The following HPCAL1 variants were observed in gnomAD, a reference collection of about 807,000 sequenced individuals.
HPCAL1 encodes the protein hippocalcin like 1.
Under a neutral mutation model 17.1 loss-of-function variants are expected in HPCAL1, and 8 were observed. That is an observed-to-expected ratio of 0.47 (90% CI 0.27 to 0.84). HPCAL1 has a LOEUF of 0.84. Among genes scored for constraint, HPCAL1 ranks in the 40% least tolerant of loss-of-function variants. The pLI is 0.13. For synonymous variants in HPCAL1, 112 were observed against 111.4 expected, an observed-to-expected ratio of 1.01 and a Z score of -0.03; for missense variants, 165 against 271.1, an observed-to-expected ratio of 0.61 and a Z score of 2.75.
In HPCAL1 at chr2:10,426,725, C is replaced by G. The variant is rs748369783; in HGVS notation, c.486C>G (p.Gly162=). The G allele has an allele frequency of 1.2e-6, 2 of 1,612,828 alleles. No individual in the cohort carries two copies. Among genetic ancestry groups the G allele is most frequent in the Non-Finnish European group, 1.7e-6 (2 of 1,179,438 alleles). The change falls in exon 5 of 5, where the codon GGC becomes GGG. Residue 162 remains glycine, a splice_region_variant and synonymous_variant. Transcript: ENST00000307845. The part of the protein sequence containing the change: ...IFRQMDTNND[G]KLSLEEFIRG... ...CCCATTGTCTCTGGTCCCCTGCAGG[C>G]AAACTGTCCTTGGAAGAATTCATCA...
At chr2:10,424,878 GGC>G (rs1358708827) in intron 4 of HPCAL1, 35 of 338,912 alleles carry the variant, frequency 1.0e-4, no homozygotes, top group Non-Finnish European at 2.0e-4. Context: ...GAAGGTGCCT[GGC>G]TGCTCCAGGC....
chr2:10,416,258 T>C (rs1245701873), intron 2 of HPCAL1, among the ~76,000 whole-genome samples: 1 of 152,192 alleles, frequency 6.6e-6, no homozygotes, highest in Non-Finnish European at 1.5e-5. Flanking sequence ...CGGGCCATGA[T>C]TCAACCCATG....
At position 10,424,361 on chromosome 2, in the gene HPCAL1, C is replaced by A. The variant is rs549208283; in HGVS notation, c.484+1273C>A. 3 of 395,588 alleles carry A rather than the reference C, an allele frequency of 7.6e-6. No individual in the cohort carries two copies. The East Asian group carries it at 2.2e-4, about 29-fold the overall frequency. The allele number at this position is 395,588 out of a possible 1,614,324, so 24.5% of individuals were successfully genotyped here. On this transcript the variant is annotated intron_variant, in intron 4 of 4. Coordinates refer to ENST00000307845, the MANE Select transcript of HPCAL1 (RefSeq NM_002149.4). ...GATGGGAAATGTGTGTTCCACCCTC[C>A]AGCCTAGCAGGGCACCTGCTGCCGC...
At chr2:10,399,227 C>CGCTGCCGCT (rs1558517398) in intron 2 of HPCAL1, among the ~76,000 whole-genome samples, 2 of 144,388 alleles carry the variant, frequency 1.4e-5, no homozygotes, top group African/African-American at 5.2e-5. Context: ...CCACCACCAC[C>CGCTGCCGCT]ACCACCACCA....
chr2:10,324,699 G>A (rs1350299351), intron 1 of HPCAL1, among the ~76,000 whole-genome samples: 1 of 150,112 alleles, frequency 6.7e-6, no homozygotes, highest in Non-Finnish European at 1.5e-5. Flanking sequence ...GGTCCTCTTG[G>A]CTAGTGGCTA....
At position 10,331,365 on chromosome 2, in the gene HPCAL1, C is replaced by T. The variant is rs1028202551; in HGVS notation, c.-111+28188C>T. Among the ~76,000 whole-genome samples the T allele has an allele frequency of 3.9e-5, 6 of 152,166 alleles. No homozygotes were observed. Among genetic ancestry groups the T allele is most frequent in the Admixed American group, 3.3e-4 (5 of 15,284 alleles). On this transcript the variant is annotated intron_variant, in intron 1 of 4. Coordinates refer to ENST00000307845, the MANE Select transcript of HPCAL1 (RefSeq NM_002149.4). The surrounding 1 kb of genome is among the most constrained non-coding windows in gnomAD (Gnocchi z 5.0). ...CTACGCATCGTCACCCCTCCTCCTG[C>T]GTTTCCTCCTGTCTCCCCGGGGAGC...
intron 4 of HPCAL1, chr2:10,425,149 G>C (rs1671326507): frequency 1.3e-5 from 2 of 156,958 alleles, no homozygotes; most frequent in East Asian, 1.9e-4. Context: ...CCTGAGACAG[G>C]AGGGCCTGGG....
intron 1 of HPCAL1, among the ~76,000 whole-genome samples, chr2:10,346,157 G>T (rs1310253290): frequency 6.6e-6 from 1 of 152,058 alleles, no homozygotes; most frequent in Non-Finnish European, 1.5e-5. Context: ...GGGGCTGGTG[G>T]CCTCCCAGTA....
At position 10,367,174 on chromosome 2, in the gene HPCAL1, G is replaced by C. The variant is rs547559416; in HGVS notation, c.-110-29661G>C. On this transcript the variant is annotated intron_variant, in intron 1 of 4. Transcript: ENST00000307845. This position sits in a 1 kb window ranked among gnomAD's most constrained non-coding sequence, Gnocchi z 4.4. ...TTCCAGTTTATTGTCATCTGCTTGGGACTTGAGGGTAACTTCATCTCTCAA... is the reference window on the plus strand; with the variant it reads ...TTCCAGTTTATTGTCATCTGCTTGGCACTTGAGGGTAACTTCATCTCTCAA... Among the ~76,000 whole-genome samples the C allele has an allele frequency of 1.3e-5, 2 of 151,950 alleles. No homozygotes were observed. The highest frequency in any genetic ancestry group is 3.9e-4 in the East Asian group (2 of 5,150).
At chr2:10,379,623 C>T (rs1288628402) in intron 1 of HPCAL1, among the ~76,000 whole-genome samples, 1 of 152,126 alleles carries the variant, frequency 6.6e-6, no homozygotes, top group Non-Finnish European at 1.5e-5. Context: ...CTTAACCATG[C>T]CAGCAGTTCC....
intron 1 of HPCAL1, among the ~76,000 whole-genome samples, chr2:10,339,308 A>G (rs914050478): frequency 1.3e-5 from 2 of 150,038 alleles, no homozygotes; most frequent in African/African-American, 4.9e-5. Context: ...GGGCGCCACC[A>G]TGCCCACCTA....
chr2:10,421,202 G>A (rs114601798), intron 3 of HPCAL1, among the ~76,000 whole-genome samples: 3,359 of 152,326 alleles, frequency 0.022, 122 homozygotes, highest in African/African-American at 0.078. Context: ...AAGCATTAAC[G>A]ATCACGAGAA....
chr2:10,386,493 C>G (rs937290048), intron 1 of HPCAL1, among the ~76,000 whole-genome samples: 1 of 152,200 alleles, frequency 6.6e-6, no homozygotes, highest in African/African-American at 2.4e-5. Flanking sequence ...GAGAAAGACC[C>G]CCCCCCAGGT....
chr2:10,327,340 G>A (rs1664078459), intron 1 of HPCAL1, among the ~76,000 whole-genome samples: 1 of 152,168 alleles, frequency 6.6e-6, no homozygotes. Context: ...TGTTATGGAT[G>A]GCCTGCAGGA....
chr2:10,386,330 G>A (rs962511376), intron 1 of HPCAL1, among the ~76,000 whole-genome samples: 5 of 152,196 alleles, frequency 3.3e-5, no homozygotes, highest in African/African-American at 1.2e-4. Flanking sequence ...TCTCTTGCGT[G>A]GCTCCATGCT....
chr2:10,365,429 C>T lies in HPCAL1; in HGVS notation c.-110-31406C>T, dbSNP rs1666788356. On this transcript the variant is annotated intron_variant, in intron 1 of 4. Transcript: ENST00000307845. This position sits in a 1 kb window ranked among gnomAD's most constrained non-coding sequence, Gnocchi z 4.8. ...ACGAGGTGCCAGCTATTTGAACGGACAGCCCGGAGTCTGTGCAGGAGTTGG... is the reference window on the plus strand; with the variant it reads ...ACGAGGTGCCAGCTATTTGAACGGATAGCCCGGAGTCTGTGCAGGAGTTGG... Among the ~76,000 whole-genome samples, 1 of 152,194 alleles carries T rather than the reference C, an allele frequency of 6.6e-6. No homozygotes were observed.
At chr2:10,337,803 C>T (rs1485472778) in intron 1 of HPCAL1, among the ~76,000 whole-genome samples, 1 of 152,192 alleles carries the variant, frequency 6.6e-6, no homozygotes, top group Non-Finnish European at 1.5e-5. Context: ...TCCTCAGTGG[C>T]TGGTTTCTCA....
Position 10,383,822 on chromosome 2 carries a change from C to T in HPCAL1, c.-110-13013C>T, listed in dbSNP as rs147190805. 9.9e-4 allele frequency among the ~76,000 whole-genome samples: 151 copies of T among 152,168 alleles called. 5 individuals are homozygous for T. In the East Asian group the frequency reaches 0.025, roughly 26 times the overall value. ...TGTGTGCGGGGAAGGGGGGGCTGTC[C>T]TGTGCATTGTGGGGTATTGAGCAGT... is the stretch of plus-strand genomic sequence containing the variant. On this transcript the variant is annotated intron_variant, in intron 1 of 4. Coordinates refer to ENST00000307845, the MANE Select transcript of HPCAL1 (RefSeq NM_002149.4).
intron 1 of HPCAL1, among the ~76,000 whole-genome samples, chr2:10,315,223 G>T (rs1035161845): frequency 2.6e-5 from 4 of 151,816 alleles, no homozygotes; most frequent in African/African-American, 9.7e-5. Context: ...AACCCAGGAG[G>T]TGGAGCTTGC....
Sources: gnomAD v4.1 joint callset for allele counts (sites outside exome capture counted in the v4.1 genomes callset) on GRCh38, gnomAD v4.1.1 for gene constraint, Gnocchi (gnomAD v3.1) non-coding constraint, MANE v1.5 for transcripts, NCBI Gene and HGNC (gene_info 2026-07-23, HGNC 2026-07-21) for gene names.